The following SVEP1 variants were observed in gnomAD, a reference collection of about 807,000 sequenced individuals.
The protein encoded by SVEP1 is sushi, von Willebrand factor type A, EGF and pentraxin domain-containing protein 1.
SVEP1 carries 164 observed loss-of-function variants against 367.3 expected under a neutral mutation model. The observed-to-expected ratio is 0.45, with a 90% confidence interval of 0.39 to 0.51. The LOEUF (loss-of-function observed/expected upper bound fraction) is 0.51, where lower values mean the gene tolerates loss of function less well. SVEP1 is among the 20% of genes least tolerant of loss of function. The probability of loss-of-function intolerance (pLI) is 0.00; values close to 1 mark genes in which losing one functional copy is unlikely to be tolerated. For missense variants in SVEP1, 4,117 were observed against 4,425.3 expected (o/e 0.93, Z 1.98); for synonymous variants, 1,666 against 1,611.6 (o/e 1.03, Z -0.81).
chr9:110,428,423 C>CATACAA (rs771605890), intron 35 of SVEP1, among the ~76,000 whole-genome samples: 1 of 146,100 alleles, frequency 6.8e-6, no homozygotes, highest in African/African-American at 2.6e-5. Context: ...CACACACACA[C>CATACAA]ACACACCATT....
At chr9:110,471,691 TC>T in intron 15 of SVEP1, 94 bp from the exon 16 acceptor site, 7 of 867,452 alleles carry the variant, frequency 8.1e-6, no homozygotes, top group Non-Finnish European at 1.2e-5. Context: ...ATACTTAAAA[TC>T]TTTTAGTACT....
In SVEP1 at chr9:110,579,223, G is replaced by A. The variant is rs1256636710; in HGVS notation, c.321C>T (p.Arg107=). The change falls in exon 1 of 48, where the codon CGC becomes CGT. Residue 107 remains arginine (R), a synonymous_variant. Coordinates refer to ENST00000374469, the MANE Select transcript of SVEP1 (RefSeq NM_153366.4). The surrounding 1 kb of genome is among the most constrained non-coding windows in gnomAD (Gnocchi z 5.3). ...VNFRSELMFV[R]KLLSDFPVVP... is the part of the protein sequence containing the mutation. ...CCACGGGGAAGTCGGACAGCAGCTT[G>A]CGGACGAACATGAGCTCGCTGCGGA... 2 of 1,570,474 alleles carry A rather than the reference G, an allele frequency of 1.3e-6. No individual in the cohort carries two copies. The highest frequency in any genetic ancestry group is 8.6e-7 in the Non-Finnish European group (1 of 1,158,704).
At position 110,407,544 on chromosome 9, in the gene SVEP1, T is replaced by C; in HGVS notation, c.8056A>G (p.Asn2686Asp). ...TTCCCCAGAAGTTCATATCCTGGAT[T>C]ACAGGTGTATGAAACCATGGTACCA... ...LYGTMVSYTC[N>D]PGYELLGNPV... Residue 2686 changes from asparagine to aspartate, a missense_variant, in exon 38 of 48, where the codon AAT becomes GAT. Coordinates refer to ENST00000374469, the MANE Select transcript of SVEP1 (RefSeq NM_153366.4). 6.2e-7 allele frequency: 1 copy of C among 1,614,026 alleles called. No individual in the cohort carries two copies.
chr9:110,485,414 A>G (rs2118713829), intron 9 of SVEP1, among the ~76,000 whole-genome samples: 1 of 152,222 alleles, frequency 6.6e-6, no homozygotes, highest in South Asian at 2.1e-4. Flanking sequence ...GGGGAACAAC[A>G]CACACTGTGG....
intron 40 of SVEP1, among the ~76,000 whole-genome samples, chr9:110,392,133 TTA>T (rs35109985): frequency 2.0e-4 from 20 of 99,570 alleles, no homozygotes; most frequent in Non-Finnish European, 1.5e-4. Context: ...CAATTCCTCA[TTA>T]TATATATATA....
At chr9:110,506,936 T>C (rs1439064651) in intron 5 of SVEP1, among the ~76,000 whole-genome samples, 2 of 151,138 alleles carry the variant, frequency 1.3e-5, no homozygotes, top group Admixed American at 6.6e-5. Context: ...AAAGAATAAA[T>C]AGGGAAAAGA....
At chr9:110,540,333 T>C (rs1001977336) in intron 3 of SVEP1, among the ~76,000 whole-genome samples, 1 of 152,092 alleles carries the variant, frequency 6.6e-6, no homozygotes, top group Non-Finnish European at 1.5e-5. Flanking sequence ...CCCAGAATAA[T>C]ATTTTCTCCA....
intron 1 of SVEP1, among the ~76,000 whole-genome samples, chr9:110,553,694 G>A (rs1830319488): frequency 6.6e-6 from 1 of 152,090 alleles, no homozygotes; most frequent in African/African-American, 2.4e-5. Context: ...CTCCCTAACT[G>A]TAACTTCCTT....
At chr9:110,441,185 T>C (rs972934322) in intron 27 of SVEP1, among the ~76,000 whole-genome samples, 2 of 152,146 alleles carry the variant, frequency 1.3e-5, no homozygotes, top group African/African-American at 4.8e-5. Context: ...ATAGACCACG[T>C]TTTAAATTTA....
At chr9:110,373,288 CAT>C (rs1203390719) in intron 46 of SVEP1, among the ~76,000 whole-genome samples, 2 of 152,168 alleles carry the variant, frequency 1.3e-5, no homozygotes, top group African/African-American at 4.8e-5. Context: ...GCCTCCAGGA[CAT>C]ATTTCCTTCT....
intron 41 of SVEP1, 88 bp downstream of exon 41, chr9:110,389,436 A>G: frequency 1.3e-6 from 2 of 1,511,074 alleles, no homozygotes. Flanking sequence ...TTTTAATTAC[A>G]AAACTAACCT....
In SVEP1 at chr9:110,396,977, T is replaced by C. The variant is rs537984331; in HGVS notation, c.9822+3877A>G. ...CAATCAACAGAAAAAGAGGGAATCC[T>C]CCCTAACTCATTTTATGAGGCCAGC... On this transcript the variant is annotated intron_variant, in intron 40 of 47. Transcript: ENST00000374469. Among the ~76,000 whole-genome samples, 12 of 151,916 alleles carry C rather than the reference T, an allele frequency of 7.9e-5. No homozygotes were observed. In the East Asian group the frequency reaches 1.4e-3, roughly 17 times the overall value.
chr9:110,530,227 T>C (rs1212330272), intron 3 of SVEP1, among the ~76,000 whole-genome samples: 1 of 152,182 alleles, frequency 6.6e-6, no homozygotes, highest in African/African-American at 2.4e-5. Flanking sequence ...AAGTGAATTG[T>C]CTTTTTGATG....
chr9:110,576,516 T>C (rs868039717), intron 1 of SVEP1, among the ~76,000 whole-genome samples: 2 of 152,030 alleles, frequency 1.3e-5, no homozygotes, highest in Admixed American at 6.6e-5. Flanking sequence ...TTTCAGGAAA[T>C]AGTTTTCCTG....
chr9:110,472,074 A>T (rs570619961), intron 15 of SVEP1, 85 bp downstream of exon 15: 15 of 1,328,312 alleles, frequency 1.1e-5, no homozygotes, highest in East Asian at 9.3e-5. Flanking sequence ...CCTAATAATG[A>T]TAACAAATGG....
At chr9:110,375,484 A>C (rs1267775489) in intron 45 of SVEP1, 21 bp from the exon 46 acceptor site, 1 of 1,502,280 alleles carries the variant, frequency 6.7e-7, no homozygotes, top group Admixed American at 2.2e-5. Flanking sequence ...AAAAAAAAAA[A>C]AAAAAAGGAG....
At chr9:110,372,460 T>A (rs376793412) in intron 46 of SVEP1, among the ~76,000 whole-genome samples, 2 of 152,344 alleles carry the variant, frequency 1.3e-5, no homozygotes, top group African/African-American at 4.8e-5. Flanking sequence ...GAACGAAGGC[T>A]ATAGAGTTCA....
chr9:110,386,882 C>T (rs537615809), intron 42 of SVEP1, among the ~76,000 whole-genome samples: 2 of 152,222 alleles, frequency 1.3e-5, no homozygotes, highest in African/African-American at 2.4e-5. Context: ...AACTCATTAT[C>T]TTAATTTATC....
chr9:110,489,929 A>C (rs1441546708), intron 8 of SVEP1, 150 bp from the exon 9 acceptor site: 1 of 1,018,322 alleles, frequency 9.8e-7, no homozygotes, highest in African/African-American at 1.7e-5. Context: ...ATTTCTTTCC[A>C]GATTATTCTA....
Sources: allele counts gnomAD v4.1 joint callset (sites outside exome capture counted in the v4.1 genomes callset), GRCh38; gene constraint gnomAD v4.1.1; non-coding constraint Gnocchi (gnomAD v3.1); transcripts MANE v1.5; gene names NCBI Gene and HGNC (gene_info 2026-07-23, HGNC 2026-07-21).